KLHL29: variants seen among roughly 807,000 people sequenced by gnomAD.
KLHL29 encodes kelch-like protein 29.
Under a neutral mutation model 80.4 loss-of-function variants are expected in KLHL29, and 21 were observed. That is an observed-to-expected ratio of 0.26 (90% CI 0.19 to 0.38). The LOEUF is 0.38. Ranked by LOEUF, KLHL29 falls within the 10% of genes least tolerant of loss-of-function variation. The pLI, the probability that KLHL29 is intolerant of heterozygous loss-of-function variation, is 1.00. For synonymous variants in KLHL29, 511 were observed against 526.8 expected (o/e 0.97, Z 0.41); for missense variants, 867 against 1,223.9 (o/e 0.71, Z 4.35).
chr2:23,573,646 G>T (rs904467723), intron 3 of KLHL29, among the ~76,000 whole-genome samples: 2 of 152,228 alleles, frequency 1.3e-5, no homozygotes, highest in Non-Finnish European at 2.9e-5. Flanking sequence ...ACAAATGTCA[G>T]GATCAAAAGG....
In KLHL29 at chr2:23,629,204, C is replaced by A. The variant is rs551351282; in HGVS notation, c.286-9935C>A. Among the ~76,000 whole-genome samples, 8 of 152,192 alleles carry A rather than the reference C, an allele frequency of 5.3e-5. No individual in the cohort carries two copies. The East Asian group carries it at 1.4e-3, about 26-fold the overall frequency. On this transcript the variant is annotated intron_variant, in intron 3 of 13. Transcript: ENST00000486442. The stretch of plus-strand genomic sequence containing the variant: ...GAGAGGTGCCCCTCGCGCTCCTCCA[C>A]GTCCCTGTCTGTCCGTCTGGGCCAC...
chr2:23,666,186 G>A (rs1005492821), intron 5 of KLHL29, among the ~76,000 whole-genome samples: 4 of 152,232 alleles, frequency 2.6e-5, no homozygotes, highest in African/African-American at 9.6e-5. Context: ...TCATATTTGA[G>A]CTCCCCAAAG....
rs368024768 is a variant in KLHL29 at position 23,512,684 on chromosome 2, G to A, written c.-46+37017G>A. ...CACTAACAAATCCATTTTCCTTATC[G>A]TGATCTATATAGCTCAGTGATTTTT... On this transcript the variant is annotated intron_variant, in intron 2 of 13. Coordinates refer to ENST00000486442, the MANE Select transcript of KLHL29 (RefSeq NM_052920.2). Among the ~76,000 whole-genome samples, 16 of 152,166 alleles carry A rather than the reference G, an allele frequency of 1.1e-4. No homozygotes were observed. In the East Asian group the frequency reaches 1.7e-3, roughly 17 times the overall value.
intron 3 of KLHL29, among the ~76,000 whole-genome samples, chr2:23,604,660 A>G (rs927354806): frequency 6.6e-6 from 1 of 152,144 alleles, no homozygotes; most frequent in African/African-American, 2.4e-5. Flanking sequence ...TGCAAAATGG[A>G]GAGAGAGCAA....
intron 1 of KLHL29, among the ~76,000 whole-genome samples, chr2:23,408,994 G>A (rs919963704): frequency 6.6e-6 from 1 of 152,138 alleles, no homozygotes; most frequent in African/African-American, 2.4e-5. Context: ...TTGTTGGGGG[G>A]TGTGTGAGGG....
At chr2:23,628,145 C>T (rs994177256) in intron 3 of KLHL29, among the ~76,000 whole-genome samples, 1 of 152,060 alleles carries the variant, frequency 6.6e-6, no homozygotes, top group Non-Finnish European at 1.5e-5. Context: ...CTCCTGACCT[C>T]GTGATCCACC....
intron 13 of KLHL29, 35 bp downstream of exon 13, chr2:23,703,898 CGGAGGAGTGGGA>C: frequency 6.6e-7 from 1 of 1,521,642 alleles, no homozygotes; most frequent in South Asian, 1.2e-5. Flanking sequence ...AGGGCTGGGA[CGGAGGAGTGGGA>C]GGAGGAGGGG....
At chr2:23,543,409 A>C (rs1666898150) in intron 2 of KLHL29, among the ~76,000 whole-genome samples, 1 of 151,850 alleles carries the variant, frequency 6.6e-6, no homozygotes, top group Admixed American at 6.6e-5. Context: ...TTAAATGTAA[A>C]ATGTCATCAT....
At chr2:23,462,103 GTGAC>G (rs1458309252) in intron 1 of KLHL29, among the ~76,000 whole-genome samples, 10 of 151,984 alleles carry the variant, frequency 6.6e-5, no homozygotes, top group African/African-American at 2.4e-4. Context: ...AGGGAGGCAG[GTGAC>G]TGACAGGTGG....
chr2:23,542,797 C>T (rs886710066), intron 2 of KLHL29, among the ~76,000 whole-genome samples: 3 of 152,186 alleles, frequency 2.0e-5, no homozygotes, highest in Admixed American at 6.5e-5. Flanking sequence ...CTCATAGCAG[C>T]CACCTGGGCC....
chr2:23,408,699 A>T (rs1404342456), intron 1 of KLHL29, among the ~76,000 whole-genome samples: 3 of 152,194 alleles, frequency 2.0e-5, no homozygotes, highest in Non-Finnish European at 4.4e-5. Flanking sequence ...AACATGTTGA[A>T]TATTGTACTA....
At chr2:23,441,937 A>G (rs1298449411) in intron 1 of KLHL29, among the ~76,000 whole-genome samples, 1 of 152,210 alleles carries the variant, frequency 6.6e-6, no homozygotes, top group African/African-American at 2.4e-5. Flanking sequence ...GATGAGCAGC[A>G]TAATGGTCTC....
At chr2:23,520,403 G>A (rs538764683) in intron 2 of KLHL29, among the ~76,000 whole-genome samples, 21 of 152,324 alleles carry the variant, frequency 1.4e-4, no homozygotes, top group East Asian at 1.2e-3. Context: ...TCTGTGATTC[G>A]TTGACTACTT....
At chr2:23,554,715 G>GGCT (rs1334852366) in intron 2 of KLHL29, among the ~76,000 whole-genome samples, 1 of 152,178 alleles carries the variant, frequency 6.6e-6, no homozygotes, top group Non-Finnish European at 1.5e-5. Context: ...CAGGGCTGAG[G>GGCT]GCTGCTGGAC....
rs149446835 is a variant in KLHL29 at position 23,680,512 on chromosome 2, G to A, written c.941-3887G>A. On this transcript the variant is annotated intron_variant, in intron 5 of 13. Transcript: ENST00000486442. This position sits in a 1 kb window ranked among gnomAD's most constrained non-coding sequence, Gnocchi z 4.1. ...AGACCCAAAAACAACCTCTGGGGCC[G>A]ACCAACAGGGACAGATGCTGAGGCC... Among the ~76,000 whole-genome samples the A allele has an allele frequency of 0.028, 4,197 of 152,306 alleles. 86 individuals carry two copies. The highest frequency in any genetic ancestry group is 0.086 in the South Asian group (417 of 4,830).
chr2:23,498,579 C>A (rs371716350), intron 2 of KLHL29, among the ~76,000 whole-genome samples: 36 of 152,332 alleles, frequency 2.4e-4, no homozygotes, highest in African/African-American at 8.7e-4. Flanking sequence ...TAGTCCTGCC[C>A]TGACCAACAC....
intron 3 of KLHL29, among the ~76,000 whole-genome samples, chr2:23,570,628 G>A (rs1667695193): frequency 6.6e-6 from 1 of 152,152 alleles, no homozygotes; most frequent in South Asian, 2.1e-4. Flanking sequence ...AGCTGTGGAT[G>A]GATAAAGGAA....
intron 1 of KLHL29, among the ~76,000 whole-genome samples, chr2:23,448,162 A>G (rs914238253): frequency 6.6e-6 from 1 of 152,152 alleles, no homozygotes; most frequent in Non-Finnish European, 1.5e-5. Flanking sequence ...GTGTGAGAAG[A>G]CTAGGAAAGA....
intron 1 of KLHL29, among the ~76,000 whole-genome samples, chr2:23,442,958 A>T (rs928818739): frequency 6.6e-6 from 1 of 152,174 alleles, no homozygotes; most frequent in African/African-American, 2.4e-5. Flanking sequence ...ATGTTCCATT[A>T]TCTATGCTTC....
Sources: gnomAD v4.1 joint callset for allele counts (sites outside exome capture counted in the v4.1 genomes callset) on GRCh38, gnomAD v4.1.1 for gene constraint, Gnocchi (gnomAD v3.1) non-coding constraint, MANE v1.5 for transcripts, NCBI Gene and HGNC (gene_info 2026-07-23, HGNC 2026-07-21) for gene names.